Variants in FAM219A observed in about 807,000 individuals in gnomAD.
The protein encoded by FAM219A is protein FAM219A.
FAM219A carries 7 observed loss-of-function variants against 23.4 expected under a neutral mutation model. The observed-to-expected ratio is 0.30, with a 90% CI of 0.17 to 0.56. FAM219A has a LOEUF of 0.56. FAM219A is among the 20% of genes least tolerant of loss of function. The pLI is 0.92. For synonymous variants in FAM219A, 93 were observed against 99.0 expected (o/e 0.94, Z 0.36); for missense variants, 166 against 246.9 (o/e 0.67, Z 2.20).
At chr9:34,407,843 C>T (rs1485552686) in intron 1 of FAM219A, among the ~76,000 whole-genome samples, 1 of 152,200 alleles carries the variant, frequency 6.6e-6, no homozygotes, top group East Asian at 1.9e-4. Context: ...GCCCAGGGAT[C>T]TGAGTGGTTG....
intron 2 of FAM219A, among the ~76,000 whole-genome samples, chr9:34,403,091 G>A (rs1821512220): frequency 6.6e-6 from 1 of 152,182 alleles, no homozygotes; most frequent in Non-Finnish European, 1.5e-5. Flanking sequence ...CCAGGGAAAG[G>A]CTGGCGGGGG....
chr9:34,415,061 C>T (rs760663605), intron 1 of FAM219A, among the ~76,000 whole-genome samples: 66 of 152,258 alleles, frequency 4.3e-4, no homozygotes, highest in Non-Finnish European at 7.5e-4. Flanking sequence ...AAGTGACCTC[C>T]TGCCTTAGCC....
intron 1 of FAM219A, among the ~76,000 whole-genome samples, chr9:34,421,675 C>T (rs1036844784): frequency 6.6e-6 from 1 of 152,024 alleles, no homozygotes; most frequent in Non-Finnish European, 1.5e-5. Context: ...TTCCTCTTCT[C>T]TGAGTACACC....
intron 1 of FAM219A, among the ~76,000 whole-genome samples, chr9:34,439,392 A>G (rs1406276196): frequency 2.0e-5 from 3 of 152,250 alleles, no homozygotes; most frequent in African/African-American, 7.2e-5. Flanking sequence ...AAAGCTATTT[A>G]GTGAATGTCC....
At chr9:34,412,667 G>A (rs1821864840) in intron 1 of FAM219A, among the ~76,000 whole-genome samples, 1 of 151,598 alleles carries the variant, frequency 6.6e-6, no homozygotes, top group South Asian at 2.1e-4. Context: ...AATGGAGGAA[G>A]GAGACTGGGT....
chr9:34,445,815 T>C (rs928262665), intron 1 of FAM219A, among the ~76,000 whole-genome samples: 1 of 152,210 alleles, frequency 6.6e-6, no homozygotes, highest in Non-Finnish European at 1.5e-5. Flanking sequence ...GCAAAATGAT[T>C]TTCCTAATCT....
intron 1 of FAM219A, among the ~76,000 whole-genome samples, chr9:34,415,765 G>T (rs1653024762): frequency 6.6e-6 from 1 of 152,194 alleles, no homozygotes; most frequent in Non-Finnish European, 1.5e-5. Context: ...CCAGAATCGG[G>T]AAGTGGGACT....
chr9:34,454,309 G>A (rs577672698), intron 1 of FAM219A, among the ~76,000 whole-genome samples: 4 of 152,320 alleles, frequency 2.6e-5, no homozygotes, highest in South Asian at 2.1e-4. Context: ...GGTGGCATGC[G>A]CCTGTAGTCC....
In FAM219A at chr9:34,400,804, C is replaced by T; in HGVS notation, c.*160G>A. 1.4e-6 allele frequency: 1 copy of T among 699,720 alleles called. No individual in the cohort carries two copies. The allele number at this position is 699,720 out of a possible 1,614,324, so 43.3% of individuals were successfully genotyped here. A position where few individuals can be genotyped will look rare whatever the true frequency, so the allele number is the denominator to read the frequency against. On this transcript the variant is annotated 3_prime_UTR_variant, in exon 6 of 6. Coordinates refer to ENST00000651358, the MANE Select transcript of FAM219A (RefSeq NM_001184940.2). ...CCAGCTCCATGAACACACAGAGGTA[C>T]ACGTCCTACCATAGGAGGAAGCAAT...
intron 1 of FAM219A, among the ~76,000 whole-genome samples, chr9:34,431,456 G>C (rs147094376): frequency 3.5e-4 from 53 of 152,330 alleles, no homozygotes; most frequent in Non-Finnish European, 5.1e-4. Context: ...AGAGAAGGTA[G>C]AGTCTCTTTT....
chr9:34,454,418 AG>A (rs1455233174), intron 1 of FAM219A, among the ~76,000 whole-genome samples: 1 of 152,262 alleles, frequency 6.6e-6, no homozygotes, highest in African/African-American at 2.4e-5. Context: ...CCTGGGCAAC[AG>A]AGCGAGACTC....
intron 1 of FAM219A, 23 bp from the exon 2 acceptor site, chr9:34,405,987 C>T: frequency 6.3e-7 from 1 of 1,594,098 alleles, no homozygotes. Flanking sequence ...AGCAGTAAGA[C>T]AGAGAGTTGT....
At chr9:34,438,215 A>G (rs1300315576) in intron 1 of FAM219A, among the ~76,000 whole-genome samples, 1 of 152,104 alleles carries the variant, frequency 6.6e-6, no homozygotes, top group Non-Finnish European at 1.5e-5. Flanking sequence ...CCACCCCTCC[A>G]TGGGCTCCTG....
At chr9:34,405,796 T>C (rs1387982585) in intron 2 of FAM219A, 69 bp downstream of exon 2, 2 of 1,467,898 alleles carry the variant, frequency 1.4e-6, no homozygotes, top group African/African-American at 2.8e-5. Flanking sequence ...TTGTGGCACC[T>C]CATTGTAGAC....
chr9:34,431,936 G>T (rs184645015), intron 1 of FAM219A, among the ~76,000 whole-genome samples: 4 of 152,308 alleles, frequency 2.6e-5, no homozygotes, highest in African/African-American at 7.2e-5. Flanking sequence ...ATAGTGCAGT[G>T]CTTAAAAGCA....
At chr9:34,411,173 AC>A (rs1821806340) in intron 1 of FAM219A, among the ~76,000 whole-genome samples, 1 of 152,068 alleles carries the variant, frequency 6.6e-6, no homozygotes, top group Non-Finnish European at 1.5e-5. Context: ...ACCACAGGGC[AC>A]CCTGTTTCCT....
intron 1 of FAM219A, among the ~76,000 whole-genome samples, chr9:34,440,633 G>A (rs1007103957): frequency 2.0e-5 from 3 of 151,952 alleles, no homozygotes; most frequent in Non-Finnish European, 4.4e-5. Context: ...GGCGGATCAC[G>A]AGGTCAGGAG....
chr9:34,405,700 T>G (rs1227611812), intron 2 of FAM219A, among the ~76,000 whole-genome samples, 165 bp downstream of exon 2: 1 of 152,172 alleles, frequency 6.6e-6, no homozygotes, highest in African/African-American at 2.4e-5. Context: ...GTAACTGCCC[T>G]CTTTGCCTGC....
chr9:34,402,797 C>T lies in FAM219A; in HGVS notation c.171G>A (p.Arg57=). 1 of 1,614,124 alleles carries T rather than the reference C, an allele frequency of 6.2e-7. No individual in the cohort carries two copies. The highest frequency in any genetic ancestry group is 8.5e-7 in the Non-Finnish European group (1 of 1,179,984). The change falls in exon 3 of 6, where the codon CGG becomes CGA. Residue 57 remains arginine, a synonymous_variant. Coordinates refer to ENST00000651358, the MANE Select transcript of FAM219A (RefSeq NM_001184940.2). ...TCAGGGAGCCCTTCCGGGCCAGCTC[C>T]CGCTGCTTCTCTGCAGGAGAACATG... ...SPLQVKLEKQ[R]ELARKGSLKN...
Sources: allele counts gnomAD v4.1 joint callset (sites outside exome capture counted in the v4.1 genomes callset), GRCh38; gene constraint gnomAD v4.1.1; transcripts MANE v1.5; gene names NCBI Gene and HGNC (gene_info 2026-07-23, HGNC 2026-07-21).